The following B4GALNT2 variants were observed in gnomAD, a reference collection of about 807,000 sequenced individuals.
B4GALNT2 encodes the protein beta-1,4-N-acetyl-galactosaminyltransferase 2 (SID blood group).
Under a neutral mutation model 51.1 loss-of-function variants are expected in B4GALNT2, and 42 were observed. That is an observed-to-expected ratio of 0.82 (90% CI 0.64 to 1.06). The LOEUF (loss-of-function observed/expected upper bound fraction) is 1.06. Ranked by LOEUF, B4GALNT2 falls within the 50% of genes least tolerant of loss-of-function variation. The pLI, the probability that B4GALNT2 is intolerant of heterozygous loss-of-function variation, is 0.00. For missense variants in B4GALNT2, 602 were observed against 633.6 expected (o/e 0.95, Z 0.54); for synonymous variants, 253 against 251.7 (o/e 1.01, Z -0.05).
At chr17:49,142,251 G>C in intron 3 of B4GALNT2, 79 bp downstream of exon 3, 2 of 1,554,930 alleles carry the variant, frequency 1.3e-6, no homozygotes, top group Non-Finnish European at 1.8e-6. Context: ...TGAATCTTAA[G>C]AGAAAAAGCA....
At chr17:49,152,718 T>C in intron 3 of B4GALNT2, 82 bp from the exon 4 acceptor site, 1 of 966,622 alleles carries the variant, frequency 1.0e-6, no homozygotes, top group Non-Finnish European at 1.5e-6. Flanking sequence ...AGGGCAAGGC[T>C]CTGTGCACAG....
intron 4 of B4GALNT2, among the ~76,000 whole-genome samples, chr17:49,156,200 G>A (rs1422659182): frequency 2.0e-5 from 3 of 151,950 alleles, no homozygotes; most frequent in Non-Finnish European, 2.9e-5. Flanking sequence ...GGCAACCACC[G>A]TTCTGCTTTC....
At chr17:49,148,613 T>G in intron 3 of B4GALNT2, 2 of 514,300 alleles carry the variant, frequency 3.9e-6, no homozygotes, top group Non-Finnish European at 7.4e-6. Context: ...CGTAGAAATG[T>G]CTCCAGGCAA....
At chr17:49,132,869 G>T in intron 1 of B4GALNT2, 63 bp downstream of exon 1, 1 of 1,370,466 alleles carries the variant, frequency 7.3e-7, no homozygotes, top group Non-Finnish European at 9.4e-7. Context: ...AGCGCCGCGG[G>T]TCCTTTCTGG....
At chr17:49,162,328 G>A (rs2042872444) in intron 7 of B4GALNT2, among the ~76,000 whole-genome samples, 1 of 152,102 alleles carries the variant, frequency 6.6e-6, no homozygotes, top group Non-Finnish European at 1.5e-5. Context: ...ATTAAATTCA[G>A]TAACACTTTT....
At chr17:49,148,585 C>G in intron 3 of B4GALNT2, 1 of 458,040 alleles carries the variant, frequency 2.2e-6, no homozygotes. Context: ...TACTGGATAC[C>G]CTTGTTGGTA....
At chr17:49,148,374 T>C (rs191896574) in intron 3 of B4GALNT2, 5,736 of 355,966 alleles carry the variant, frequency 0.016, 87 homozygotes, top group Non-Finnish European at 0.02. Flanking sequence ...CAACCAAATC[T>C]GCCTCTTACT....
chr17:49,123,984 A>G, the B4GALNT2 span, among the ~76,000 whole-genome samples: 1 of 152,244 alleles, frequency 6.6e-6, no homozygotes, highest in Non-Finnish European at 1.5e-5. Context: ...AAATAACTAT[A>G]TTGCCACAAC....
chr17:49,129,956 G>A (rs72835403), upstream of B4GALNT2, among the ~76,000 whole-genome samples: 1 of 152,338 alleles, frequency 6.6e-6, no homozygotes, highest in Non-Finnish European at 1.5e-5. Context: ...TGATGCTCCT[G>A]TCTGTCACTC....
At chr17:49,151,562 A>G (rs1018245271) in intron 3 of B4GALNT2, among the ~76,000 whole-genome samples, 3 of 152,068 alleles carry the variant, frequency 2.0e-5, no homozygotes, top group East Asian at 3.9e-4. Flanking sequence ...CCTGGCCAAC[A>G]TGGTGAAACC....
chr17:49,133,353 G>A (rs2042558995), intron 1 of B4GALNT2: 2 of 1,004,572 alleles, frequency 2.0e-6, no homozygotes, highest in Non-Finnish European at 2.7e-6. Context: ...GCAGGGCAGA[G>A]TGAGCTGCGG....
At chr17:49,156,668 GCTCT>G in intron 5 of B4GALNT2, 65 bp downstream of exon 5, 2 of 1,559,590 alleles carry the variant, frequency 1.3e-6, no homozygotes, top group Non-Finnish European at 1.8e-6. Context: ...AACTGTGGCT[GCTCT>G]CAGCCTTTGA....
chr17:49,121,810 C>T, the B4GALNT2 span, among the ~76,000 whole-genome samples: 2 of 152,170 alleles, frequency 1.3e-5, no homozygotes, highest in African/African-American at 2.4e-5. Flanking sequence ...ACAGGCTGGA[C>T]AGCTATCAGG....
chr17:49,131,934 G>T (rs542181053), upstream of B4GALNT2, among the ~76,000 whole-genome samples: 1 of 152,160 alleles, frequency 6.6e-6, no homozygotes, highest in Non-Finnish European at 1.5e-5. Context: ...GGAGTTCAAG[G>T]CCAGCCTGGG....
chr17:49,161,372 G>A (rs1373298758), intron 7 of B4GALNT2, among the ~76,000 whole-genome samples: 1 of 151,582 alleles, frequency 6.6e-6, no homozygotes, highest in African/African-American at 2.4e-5. Context: ...AGATAATGGT[G>A]TAGCTATATG....
At chr17:49,154,691 A>G (rs2042790951) in intron 4 of B4GALNT2, among the ~76,000 whole-genome samples, 1 of 151,888 alleles carries the variant, frequency 6.6e-6, no homozygotes, top group Non-Finnish European at 1.5e-5. Flanking sequence ...AATTTCACAA[A>G]CCACATCTCA....
At chr17:49,151,006 G>A (rs2042749146) in intron 3 of B4GALNT2, among the ~76,000 whole-genome samples, 1 of 151,490 alleles carries the variant, frequency 6.6e-6, no homozygotes. Context: ...TTTTTTTCAA[G>A]GTAATTAAAT....
chr17:49,135,193 A>T (rs2042578861), intron 1 of B4GALNT2, among the ~76,000 whole-genome samples: 1 of 152,236 alleles, frequency 6.6e-6, no homozygotes, highest in Non-Finnish European at 1.5e-5. Context: ...TGACAAAGAT[A>T]GTGCAAACTC....
At chr17:49,133,946 C>G (rs1175307895) in intron 1 of B4GALNT2, among the ~76,000 whole-genome samples, 1 of 147,610 alleles carries the variant, frequency 6.8e-6, no homozygotes, top group Non-Finnish European at 1.5e-5. Context: ...AACAAACAAA[C>G]AAACAAAAAG....
Sources: allele counts gnomAD v4.1 joint callset (sites outside exome capture counted in the v4.1 genomes callset), GRCh38; gene constraint gnomAD v4.1.1; transcripts MANE v1.5; gene names NCBI Gene and HGNC (gene_info 2026-07-23, HGNC 2026-07-21).